The following ADARB1 variants were observed in gnomAD, a reference collection of about 807,000 sequenced individuals.
ADARB1 encodes double-stranded RNA-specific editase 1.
A neutral mutation model predicts 52.4 loss-of-function variants in ADARB1; 10 were observed. That is an observed-to-expected ratio of 0.19 (90% CI 0.12 to 0.32). The LOEUF is 0.32. ADARB1 is among the 10% of genes least tolerant of loss of function. The pLI, the probability that ADARB1 is intolerant of heterozygous loss-of-function variation, is 1.00. For missense variants in ADARB1, 643 were observed against 922.3 expected (o/e 0.70, Z 3.92); for synonymous variants, 349 against 371.1 (o/e 0.94, Z 0.68).
At chr21:45,210,704 C>T (rs1313443606) in intron 9 of ADARB1, among the ~76,000 whole-genome samples, 1 of 152,206 alleles carries the variant, frequency 6.6e-6, no homozygotes, top group Non-Finnish European at 1.5e-5. Context: ...ATTCCACTGT[C>T]CCTAGGACAA....
At chr21:45,194,282 A>T (rs1040874873) in intron 8 of ADARB1, among the ~76,000 whole-genome samples, 1 of 152,204 alleles carries the variant, frequency 6.6e-6, no homozygotes, top group Admixed American at 6.5e-5. Flanking sequence ...AAGACACATC[A>T]TCATCACCCA....
intron 8 of ADARB1, among the ~76,000 whole-genome samples, chr21:45,201,155 T>C (rs1392331061): frequency 1.3e-5 from 2 of 152,226 alleles, no homozygotes; most frequent in African/African-American, 2.4e-5. Flanking sequence ...GGAGACGTCC[T>C]GCCTGCAGTC....
chr21:45,081,325 A>T (rs1380854065), intron 1 of ADARB1, among the ~76,000 whole-genome samples: 2 of 152,162 alleles, frequency 1.3e-5, no homozygotes, highest in African/African-American at 4.8e-5. Flanking sequence ...CCGGCTTATG[A>T]TGGTTCCAGT....
chr21:45,191,170 T>C (rs540509336), intron 8 of ADARB1, among the ~76,000 whole-genome samples: 16 of 152,362 alleles, frequency 1.1e-4, no homozygotes, highest in Admixed American at 2.6e-4. Flanking sequence ...AATGTTAACC[T>C]TATGGCCAGC....
intron 1 of ADARB1, among the ~76,000 whole-genome samples, chr21:45,106,195 T>TTTTC (rs1304936742): frequency 6.6e-6 from 1 of 151,236 alleles, no homozygotes; most frequent in African/African-American, 2.4e-5. Flanking sequence ...GTGGGAGGCT[T>TTTTC]TTTTTTTTTA....
At chr21:45,152,548 C>T in intron 2 of ADARB1, 1 of 311,288 alleles carries the variant, frequency 3.2e-6, no homozygotes, top group South Asian at 2.2e-5. Context: ...GTGCTGCTGC[C>T]CCGAGTGACT....
Position 45,128,516 on chromosome 21 carries a change from C to G in ADARB1, c.-105C>G, listed in dbSNP as rs990481042. 1 of 152,222 alleles carries G rather than the reference C, an allele frequency of 6.6e-6. No homozygotes were observed. Among genetic ancestry groups the G allele is most frequent in the Non-Finnish European group, 1.5e-5 (1 of 68,064 alleles). The allele number at this position is 152,222 out of a possible 1,614,324, so 9.4% of individuals were successfully genotyped here. On this transcript the variant is annotated 5_prime_UTR_variant, in exon 2 of 11. Transcript: ENST00000348831. The surrounding 1 kb of genome is among the most constrained non-coding windows in gnomAD (Gnocchi z 4.6). Reference sequence around the variant, plus strand: ...TGCTGAGATACTCTCTCAGTCCGCTCGCACCGAAGGAAGCTGCCTTGGGAT... The same window carrying G: ...TGCTGAGATACTCTCTCAGTCCGCTGGCACCGAAGGAAGCTGCCTTGGGAT...
intron 2 of ADARB1, among the ~76,000 whole-genome samples, chr21:45,160,572 C>G (rs1406607005): frequency 6.6e-6 from 1 of 152,184 alleles, no homozygotes; most frequent in African/African-American, 2.4e-5. Context: ...TATCTCAGTG[C>G]TAAATATTGT....
At position 45,128,503 on chromosome 21, in the gene ADARB1, C is replaced by T. The variant is rs1343736660; in HGVS notation, c.-118C>T. 1 of 152,232 alleles carries T rather than the reference C, an allele frequency of 6.6e-6. No individual in the cohort carries two copies. The highest frequency in any genetic ancestry group is 1.9e-4 in the East Asian group (1 of 5,188). 9.4% of individuals were successfully genotyped at this position (152,232 alleles called of 1,614,324 possible). ...CTTACTTCAGTCCTGCTGAGATACTCTCTCAGTCCGCTCGCACCGAAGGAA... is the reference window on the plus strand; with the variant it reads ...CTTACTTCAGTCCTGCTGAGATACTTTCTCAGTCCGCTCGCACCGAAGGAA... On this transcript the variant is annotated 5_prime_UTR_variant, in exon 2 of 11. Transcript: ENST00000348831. This position sits in a 1 kb window ranked among gnomAD's most constrained non-coding sequence, Gnocchi z 4.6.
chr21:45,144,627 AAAGGTGG>A, intron 2 of ADARB1: 1 of 453,770 alleles, frequency 2.2e-6, no homozygotes, highest in South Asian at 1.6e-5. Flanking sequence ...CAATAATCCT[AAAGGTGG>A]AAGAAAGAAA....
chr21:45,219,491 C>G (rs982685359), intron 9 of ADARB1, among the ~76,000 whole-genome samples: 1 of 152,178 alleles, frequency 6.6e-6, no homozygotes, highest in Non-Finnish European at 1.5e-5. Context: ...ACCACACACT[C>G]CAGCCTGGCA....
Position 45,113,519 on chromosome 21 carries a change from GTGTGTA to G in ADARB1, c.-219-14881_-219-14876del, listed in dbSNP as rs750721906. Among the ~76,000 whole-genome samples, 673 of 150,358 alleles carry G rather than the reference GTGTGTA, an allele frequency of 4.5e-3. 6 individuals are homozygous for G. Among genetic ancestry groups the G allele is most frequent in the Admixed American group, 8.8e-3 (130 of 14,734 alleles). ...TATATGTGTGTGTGTGTGTGTGTGT[GTGTGTA>G]TATATATATATATGTTGACATGTGA... On this transcript the variant is annotated intron_variant, in intron 1 of 10. Coordinates refer to ENST00000348831, the MANE Select transcript of ADARB1 (RefSeq NM_001112.4).
chr21:45,133,709 GA>G (rs2089106857), intron 2 of ADARB1: 1 of 254,760 alleles, frequency 3.9e-6, no homozygotes, highest in African/African-American at 2.4e-5. Context: ...GTGTGCGACC[GA>G]TGGGTGTATG....
chr21:45,192,538 C>CT (rs1033061274), intron 8 of ADARB1, among the ~76,000 whole-genome samples: 1 of 152,156 alleles, frequency 6.6e-6, no homozygotes, highest in African/African-American at 2.4e-5. Context: ...TTTCTTGCCT[C>CT]TTGGTGGCAG....
At chr21:45,135,882 C>T (rs1446525684) in intron 2 of ADARB1, among the ~76,000 whole-genome samples, 2 of 152,160 alleles carry the variant, frequency 1.3e-5, no homozygotes, top group African/African-American at 2.4e-5. Flanking sequence ...CCGGTGGGTC[C>T]TCTGTGATGG....
intron 2 of ADARB1, among the ~76,000 whole-genome samples, chr21:45,132,465 C>T (rs1186505755): frequency 6.6e-6 from 1 of 152,176 alleles, no homozygotes. Flanking sequence ...CAGGTTTTGC[C>T]CATAGTTTTT....
chr21:45,107,763 T>A (rs1486223902), intron 1 of ADARB1, among the ~76,000 whole-genome samples: 1 of 152,208 alleles, frequency 6.6e-6, no homozygotes, highest in Non-Finnish European at 1.5e-5. Context: ...TGGTTGAATA[T>A]TACCTATGTG....
chr21:45,211,278 C>T (rs2092764060), intron 9 of ADARB1, among the ~76,000 whole-genome samples: 1 of 152,196 alleles, frequency 6.6e-6, no homozygotes, highest in Non-Finnish European at 1.5e-5. Context: ...GCTTAAATGG[C>T]AGGTTGGTTT....
intron 8 of ADARB1, among the ~76,000 whole-genome samples, chr21:45,202,774 G>A (rs1471539748): frequency 2.7e-5 from 4 of 149,446 alleles, no homozygotes; most frequent in East Asian, 4.0e-4. Context: ...TGTGCTGAGC[G>A]TCTAACCCTG....
Sources: allele counts gnomAD v4.1 joint callset (sites outside exome capture counted in the v4.1 genomes callset), GRCh38; gene constraint gnomAD v4.1.1; non-coding constraint Gnocchi (gnomAD v3.1); transcripts MANE v1.5; gene names NCBI Gene and HGNC (gene_info 2026-07-23, HGNC 2026-07-21).